The following IMPG2 variants were observed in gnomAD, a reference collection of about 807,000 sequenced individuals.
The protein encoded by IMPG2 is interphotoreceptor matrix proteoglycan 2, also known as IPM 200.
IMPG2 carries 91 observed loss-of-function variants against 129.2 expected under a neutral mutation model. The observed-to-expected ratio is 0.70, with a 90% CI of 0.59 to 0.84. IMPG2 has a LOEUF of 0.84. Ranked by LOEUF, IMPG2 falls within the 40% of genes least tolerant of loss-of-function variation. The pLI, the probability that IMPG2 is intolerant of heterozygous loss-of-function variation, is 0.00. For missense variants in IMPG2, 1,430 were observed against 1,461.7 expected, an observed-to-expected ratio of 0.98 and a Z score of 0.35; for synonymous variants, 510 against 517.7, an observed-to-expected ratio of 0.99 and a Z score of 0.20.
intron 12 of IMPG2, 72 bp downstream of exon 12, chr3:101,245,730 G>A (rs1706468458): frequency 7.3e-7 from 1 of 1,379,236 alleles, no homozygotes; most frequent in African/African-American, 1.4e-5. Context: ...CATAGCCATA[G>A]TCTCTTCCTC....
chr3:101,263,936 G>A (rs529506580), intron 9 of IMPG2, among the ~76,000 whole-genome samples: 7 of 149,542 alleles, frequency 4.7e-5, no homozygotes, highest in African/African-American at 1.7e-4. Context: ...CACAGAAATG[G>A]AAAGGATAAT....
Position 101,246,004 on chromosome 3 carries a change from C to T in IMPG2, c.1341G>A (p.Arg447=). 10 of 1,614,108 alleles carry T rather than the reference C, an allele frequency of 6.2e-6. No homozygotes were observed. The highest frequency in any genetic ancestry group is 7.6e-6 in the Non-Finnish European group (9 of 1,180,014). ...CCAAAGGACTTTCTGACCAGAGTTC[C>T]CTGCCAGTGGCTGAGGGAGGACCAG... is the stretch of plus-strand genomic sequence containing the variant. ...FSSGPPSATG[R]ELWSESPLGD... is the part of the protein sequence containing the mutation. Residue 447 remains arginine (R), a synonymous_variant, in exon 12 of 19, where the codon AGG becomes AGA. Transcript: ENST00000193391.
intron 3 of IMPG2, among the ~76,000 whole-genome samples, chr3:101,297,796 G>A (rs767035821): frequency 7.4e-4 from 112 of 152,188 alleles, no homozygotes; most frequent in Non-Finnish European, 5.1e-4. Flanking sequence ...TTTCACATTT[G>A]TTGAGGAGTG....
intron 2 of IMPG2, among the ~76,000 whole-genome samples, chr3:101,314,795 C>T (rs2058775712): frequency 6.6e-6 from 1 of 151,940 alleles, no homozygotes; most frequent in African/African-American, 2.4e-5. Context: ...CTGAAGATGA[C>T]CTAAATAAAT....
At chr3:101,240,245 G>A (rs1706392250) in intron 14 of IMPG2, among the ~76,000 whole-genome samples, 1 of 151,954 alleles carries the variant, frequency 6.6e-6, no homozygotes, top group East Asian at 1.9e-4. Flanking sequence ...AGCCTCCCAA[G>A]TAGCTGGAAC....
At chr3:101,267,383 G>T in intron 9 of IMPG2, 128 bp downstream of exon 9, 1 of 838,208 alleles carries the variant, frequency 1.2e-6, no homozygotes, top group Non-Finnish European at 2.0e-6. Context: ...ACCCTGATCT[G>T]AAAAAGTCAG....
At chr3:101,307,204 G>T (rs1707214336) in intron 2 of IMPG2, among the ~76,000 whole-genome samples, 1 of 152,134 alleles carries the variant, frequency 6.6e-6, no homozygotes, top group Non-Finnish European at 1.5e-5. Flanking sequence ...AACCAAGAAT[G>T]ACTGAAATTT....
intron 5 of IMPG2, 79 bp downstream of exon 5, chr3:101,276,585 A>C: frequency 1.0e-6 from 1 of 972,932 alleles, no homozygotes; most frequent in Non-Finnish European, 1.6e-6. Flanking sequence ...GTAAGCTGCA[A>C]AAAATGTACT....
chr3:101,315,265 T>C (rs2058779027), intron 2 of IMPG2, among the ~76,000 whole-genome samples: 1 of 152,192 alleles, frequency 6.6e-6, no homozygotes, highest in Non-Finnish European at 1.5e-5. Flanking sequence ...CTGTTCTGTT[T>C]AGTACCCTGA....
rs755482133 is a variant in IMPG2 at position 101,267,494 on chromosome 3, A to G, written c.908+17T>C. ...TCTCCCAATTCAATGGACATTAGAG[A>G]AAGTGCCAAAAAGTACCTGTCATTT... is the stretch of plus-strand genomic sequence containing the variant. On this transcript the variant is annotated intron_variant, in intron 9 of 18. Coordinates refer to ENST00000193391, the MANE Select transcript of IMPG2 (RefSeq NM_016247.4). The G allele has an allele frequency of 5.6e-6, 9 of 1,608,724 alleles. No homozygotes were observed. Among genetic ancestry groups the G allele is most frequent in the Middle Eastern group, 3.3e-4 (2 of 6,048 alleles).
At chr3:101,282,944 T>C (rs1030491482) in intron 4 of IMPG2, among the ~76,000 whole-genome samples, 28 of 152,314 alleles carry the variant, frequency 1.8e-4, no homozygotes, top group African/African-American at 6.3e-4. Context: ...CAAGGTTAAG[T>C]GACATATTTA....
chr3:101,296,332 T>G (rs1288416557), intron 3 of IMPG2, among the ~76,000 whole-genome samples: 1 of 152,226 alleles, frequency 6.6e-6, no homozygotes, highest in Non-Finnish European at 1.5e-5. Context: ...CATGTGGTTT[T>G]TGTCATTGGT....
At chr3:101,261,217 A>T (rs995031901) in intron 9 of IMPG2, among the ~76,000 whole-genome samples, 2 of 152,148 alleles carry the variant, frequency 1.3e-5, no homozygotes, top group African/African-American at 4.8e-5. Context: ...GGATTTTTGC[A>T]CAACCTATTA....
intron 6 of IMPG2, among the ~76,000 whole-genome samples, chr3:101,274,855 G>T (rs1010319146): frequency 2.6e-5 from 4 of 152,028 alleles, no homozygotes; most frequent in African/African-American, 7.3e-5. Context: ...TTGGAACACG[G>T]TTATACTTAG....
At chr3:101,241,660 T>C (rs1320391410) in intron 14 of IMPG2, among the ~76,000 whole-genome samples, 2 of 152,102 alleles carry the variant, frequency 1.3e-5, no homozygotes, top group Non-Finnish European at 1.5e-5. Context: ...ATTTGAGATA[T>C]ACTTAGAATT....
chr3:101,272,988 C>A (rs778361201), intron 7 of IMPG2, among the ~76,000 whole-genome samples: 1 of 152,136 alleles, frequency 6.6e-6, no homozygotes, highest in Non-Finnish European at 1.5e-5. Context: ...CTGAAAAATT[C>A]TTGAGTTTAA....
rs185714670 is a variant in IMPG2 at position 101,253,085 on chromosome 3, G to A, written c.1239+611C>T. Among the ~76,000 whole-genome samples the A allele has an allele frequency of 9.5e-4, 144 of 152,218 alleles. 1 individual carries two copies. The highest frequency in any genetic ancestry group is 3.4e-3 in the Middle Eastern group (1 of 294). ...AAGTGAAGTGGCAAGTGGAGGTTTA[G>A]AGGGGGAAGAGGAATTCCTGATGCA... On this transcript the variant is annotated intron_variant, in intron 11 of 18. Transcript: ENST00000193391.
In IMPG2 at chr3:101,226,347, G is replaced by A. The variant is rs1484052564; in HGVS notation, c.*622C>T. On this transcript the variant is annotated 3_prime_UTR_variant, in exon 19 of 19. Coordinates refer to ENST00000193391, the MANE Select transcript of IMPG2 (RefSeq NM_016247.4). Reference sequence around the variant, plus strand: ...GTTAACATAACAATAACATGGTCTTGATTAATATGCTCAGGAAATGCAAGA... The same window carrying A: ...GTTAACATAACAATAACATGGTCTTAATTAATATGCTCAGGAAATGCAAGA... 7.2e-6 allele frequency: 1 copy of A among 139,390 alleles called. No individual in the cohort carries two copies. Among genetic ancestry groups the A allele is most frequent in the Non-Finnish European group, 1.6e-5 (1 of 64,232 alleles). 8.6% of individuals were successfully genotyped at this position (139,390 alleles called of 1,614,324 possible). A position where few individuals can be genotyped will look rare whatever the true frequency, so the allele number is the denominator to read the frequency against.
chr3:101,270,951 C>G (rs1706776546), intron 7 of IMPG2, among the ~76,000 whole-genome samples: 1 of 152,116 alleles, frequency 6.6e-6, no homozygotes, highest in African/African-American at 2.4e-5. Flanking sequence ...TTGGCAACAT[C>G]TCTGGGCATC....
Sources: gnomAD v4.1 joint callset for allele counts (sites outside exome capture counted in the v4.1 genomes callset) on GRCh38, gnomAD v4.1.1 for gene constraint, MANE v1.5 for transcripts, NCBI Gene and HGNC (gene_info 2026-07-23, HGNC 2026-07-21) for gene names.